The following VPS8 variants were observed in gnomAD, a reference collection of about 807,000 sequenced individuals.
VPS8 encodes the protein vacuolar protein sorting-associated protein 8 homolog.
VPS8 carries 129 observed loss-of-function variants against 216.4 expected under a neutral mutation model. That is an observed-to-expected ratio of 0.60 (90% CI 0.52 to 0.69). VPS8 has a LOEUF of 0.69. Ranked by LOEUF, VPS8 falls within the 30% of genes least tolerant of loss-of-function variation. VPS8 has a pLI of 0.00. For missense variants in VPS8, 1,531 were observed against 1,683.5 expected (o/e 0.91, Z 1.59); for synonymous variants, 571 against 565.4 (o/e 1.01, Z -0.14).
chr3:184,851,694 G>A (rs934648987), intron 10 of VPS8, among the ~76,000 whole-genome samples: 1 of 152,106 alleles, frequency 6.6e-6, no homozygotes. Context: ...TTAACTATGC[G>A]TGTGTTTGGG....
Position 184,999,853 on chromosome 3 carries a change from C to G in VPS8, c.3994C>G (p.Pro1332Ala), listed in dbSNP as rs1273250836. Residue 1332 changes from proline to alanine, a missense_variant, in exon 45 of 48, where the codon CCA becomes GCA. By Grantham distance (27) the Pro-to-Ala change is conservative (BLOSUM62 -1). This residue lies in a region of VPS8 where 1,318 missense variants were observed against 1,468.4 expected (regional missense o/e 0.90). Transcript: ENST00000625842. Reference protein sequence around the residue: ...SSEIKKGRITPSQVKMSPSYH... With the variant: ...SSEIKKGRITASQVKMSPSYH... ...TGAAATTAAAAAGGGAAGGATAACC[C>G]CATCACAGGTAAGACTTGTTTTCGT... The G allele has an allele frequency of 6.2e-7, 1 of 1,608,454 alleles. No homozygotes were observed. The highest frequency in any genetic ancestry group is 8.5e-7 in the Non-Finnish European group (1 of 1,177,850).
chr3:184,895,433 A>G (rs1035763469), intron 23 of VPS8, among the ~76,000 whole-genome samples: 1 of 152,002 alleles, frequency 6.6e-6, no homozygotes, highest in Non-Finnish European at 1.5e-5. Context: ...ACTTTTTAGC[A>G]TGAATAGCCA....
At chr3:184,990,443 T>C (rs1751742941) in intron 42 of VPS8, among the ~76,000 whole-genome samples, 1 of 152,212 alleles carries the variant, frequency 6.6e-6, no homozygotes, top group Non-Finnish European at 1.5e-5. Flanking sequence ...ACATAGTATA[T>C]GCCCATTAAA....
intron 38 of VPS8, among the ~76,000 whole-genome samples, chr3:184,965,810 T>A (rs1747314510): frequency 6.6e-6 from 1 of 151,962 alleles, no homozygotes; most frequent in South Asian, 2.1e-4. Context: ...CAGGTATGAG[T>A]CTATGAGAGC....
At chr3:184,885,576 G>A (rs1425498833) in intron 21 of VPS8, among the ~76,000 whole-genome samples, 1 of 152,126 alleles carries the variant, frequency 6.6e-6, no homozygotes, top group Non-Finnish European at 1.5e-5. Flanking sequence ...CCACCAGCAG[G>A]ACCAACTGTA....
Position 184,859,972 on chromosome 3 carries a change from A to T in VPS8, c.1144-13A>T. 6.2e-7 allele frequency: 1 copy of T among 1,606,838 alleles called. No homozygotes were observed. Among genetic ancestry groups the T allele is most frequent in the Non-Finnish European group, 8.5e-7 (1 of 1,175,904 alleles). On this transcript the variant is annotated splice_polypyrimidine_tract_variant and intron_variant, in intron 14 of 47. Transcript: ENST00000625842. The stretch of plus-strand genomic sequence containing the variant: ...AGTAGCTGGTTTTTAGGTTGTTTTT[A>T]TTTCATCATCAGGTAAAGAGAGATG...
intron 40 of VPS8, among the ~76,000 whole-genome samples, chr3:184,972,833 T>C (rs949310168): frequency 4.6e-5 from 7 of 152,272 alleles, no homozygotes; most frequent in Non-Finnish European, 7.3e-5. Context: ...ATGATATGGC[T>C]TAACTCTTCG....
chr3:184,994,150 A>T, intron 43 of VPS8, 87 bp downstream of exon 43: 1 of 945,096 alleles, frequency 1.1e-6, no homozygotes, highest in Middle Eastern at 2.8e-4. Flanking sequence ...TTAAAAAAAA[A>T]TTACCATCTA....
intron 45 of VPS8, among the ~76,000 whole-genome samples, chr3:185,020,667 C>T (rs1047804169): frequency 4.6e-5 from 7 of 152,210 alleles, no homozygotes; most frequent in East Asian, 3.9e-4. Flanking sequence ...AATGGGGTTT[C>T]GCCATGTTAC....
rs114257568 is a variant in VPS8 at position 184,916,306 on chromosome 3, G to A, written c.2382+832G>A. Among the ~76,000 whole-genome samples, 730 of 152,230 alleles carry A rather than the reference G, an allele frequency of 4.8e-3. 6 individuals carry two copies. The highest frequency in any genetic ancestry group is 0.016 in the African/African-American group (673 of 41,518). On this transcript the variant is annotated intron_variant, in intron 28 of 47. Transcript: ENST00000625842. ...TGTATCTTCTGAATTAAATGGTATT[G>A]TTGTTTTTTGAAAAGCTTTTGATAT...
chr3:184,902,121 C>CTTTTTT (rs1560596472), intron 25 of VPS8, among the ~76,000 whole-genome samples: 1 of 148,566 alleles, frequency 6.7e-6, no homozygotes, highest in African/African-American at 2.5e-5. Context: ...GCCCCCCCCC[C>CTTTTTT]CTTTTTTTTT....
rs1434159028 is a variant in VPS8, at chr3:184,869,468, T to G, written c.1598-14T>G. The G allele has an allele frequency of 6.2e-7, 1 of 1,613,130 alleles. No individual in the cohort carries two copies. Among genetic ancestry groups the G allele is most frequent in the Non-Finnish European group, 8.5e-7 (1 of 1,179,410 alleles). Reference sequence around the variant, plus strand: ...CTAACTTTTGTTTTTTTGTTGGATTTTCCTTCTCTGCAGGATTATCAGGGG... The same window carrying G: ...CTAACTTTTGTTTTTTTGTTGGATTGTCCTTCTCTGCAGGATTATCAGGGG... On this transcript the variant is annotated splice_polypyrimidine_tract_variant and intron_variant, in intron 19 of 47. Transcript: ENST00000625842.
chr3:185,026,006 C>G (rs190307999), intron 46 of VPS8, among the ~76,000 whole-genome samples: 4 of 152,256 alleles, frequency 2.6e-5, no homozygotes, highest in South Asian at 4.2e-4. Context: ...AGTAAGTACT[C>G]AAGCTGTTGT....
At chr3:184,926,086 T>C (rs1324838572) in intron 30 of VPS8, among the ~76,000 whole-genome samples, 3 of 147,792 alleles carry the variant, frequency 2.0e-5, no homozygotes, top group Non-Finnish European at 3.0e-5. Flanking sequence ...CTTAGAGTTA[T>C]GTTGCCAGGC....
chr3:184,914,385 G>A (rs1737133308), intron 26 of VPS8, among the ~76,000 whole-genome samples: 1 of 152,160 alleles, frequency 6.6e-6, no homozygotes, highest in South Asian at 2.1e-4. Flanking sequence ...ATAGAAAAAA[G>A]GTAGACATGT....
intron 46 of VPS8, 92 bp from the exon 47 acceptor site, chr3:185,048,387 A>G: frequency 1.7e-6 from 2 of 1,205,754 alleles, no homozygotes; most frequent in South Asian, 1.3e-5. Flanking sequence ...GAATGAAGGA[A>G]GCACCATGTT....
chr3:184,813,644 C>T (rs2108447834), intron 1 of VPS8: 1 of 152,276 alleles, frequency 6.6e-6, no homozygotes, highest in Non-Finnish European at 1.5e-5. Flanking sequence ...AAATTCTTTC[C>T]AGAGCTCTAA....
At chr3:184,869,138 T>G in intron 19 of VPS8, 102 bp downstream of exon 19, 1 of 1,116,816 alleles carries the variant, frequency 9.0e-7, no homozygotes, top group Non-Finnish European at 1.3e-6. Flanking sequence ...AGTGTCGAAG[T>G]GTTTATAAAC....
Position 184,996,516 on chromosome 3 carries a change from G to A in VPS8, c.3836+15G>A, listed in dbSNP as rs765567377. The A allele has an allele frequency of 3.1e-5, 50 of 1,595,872 alleles. No individual in the cohort carries two copies. Among genetic ancestry groups the A allele is most frequent in the Non-Finnish European group, 4.3e-5 (50 of 1,170,602 alleles). ...ATTGTCTTTAGGTAAGAAAGGGAAG[G>A]AAATGTTACATGTATGGTACATGTA... On this transcript the variant is annotated intron_variant, in intron 44 of 47. Transcript: ENST00000625842.
Sources: allele counts gnomAD v4.1 joint callset (sites outside exome capture counted in the v4.1 genomes callset), GRCh38; gene constraint gnomAD v4.1.1; regional missense constraint gnomAD v4.1.1; transcripts MANE v1.5; gene names NCBI Gene and HGNC (gene_info 2026-07-23, HGNC 2026-07-21).